Variants in ZNF507 observed in about 807,000 individuals in gnomAD.
The protein encoded by ZNF507 is zinc finger protein 507.
Under a neutral mutation model 80.0 loss-of-function variants are expected in ZNF507, and 29 were observed. The ratio of observed to expected loss-of-function variants is 0.36; its 90% confidence interval spans 0.27 to 0.49. The LOEUF is 0.49. ZNF507 is among the 20% of genes least tolerant of loss of function. The pLI is 0.98. For synonymous variants in ZNF507, 462 were observed against 422.5 expected, an observed-to-expected ratio of 1.09 and a Z score of -1.15; for missense variants, 1,081 against 1,152.2, an observed-to-expected ratio of 0.94 and a Z score of 0.90.
At chr19:32,352,147 A>G (rs1248021209) in intron 2 of ZNF507, among the ~76,000 whole-genome samples, 2 of 151,874 alleles carry the variant, frequency 1.3e-5, no homozygotes, top group African/African-American at 2.4e-5. Flanking sequence ...AAACCACAGC[A>G]TAGTTTGTGG....
In ZNF507 at chr19:32,354,129, T is replaced by A. The variant is rs1038607673; in HGVS notation, c.1299T>A (p.Ile433=). 1.2e-6 allele frequency: 2 copies of A among 1,613,312 alleles called. No homozygotes were observed. The highest frequency in any genetic ancestry group is 1.7e-6 in the Non-Finnish European group (2 of 1,180,024). ...GKDLSLTEAQ[I]GREGMDDVYR... ...ACCTGAGCCTGACAGAAGCTCAGAT[T>A]GGGCGCGAAGGAATGGATGATGTTT... Residue 433 remains isoleucine, a synonymous_variant, in exon 3 of 7, where the codon ATT becomes ATA. Transcript: ENST00000355898.
chr19:32,355,863 G>A (rs1432716037), intron 3 of ZNF507, among the ~76,000 whole-genome samples: 2 of 152,078 alleles, frequency 1.3e-5, no homozygotes, highest in Non-Finnish European at 2.9e-5. Flanking sequence ...GCTGGGTATG[G>A]TGGTGGGCAC....
intron 5 of ZNF507, among the ~76,000 whole-genome samples, chr19:32,366,645 GAT>G (rs936942436): frequency 1.3e-5 from 2 of 152,164 alleles, no homozygotes; most frequent in Non-Finnish European, 2.9e-5. Context: ...TTTCCTCCCT[GAT>G]ATGATCTGAT....
Position 32,356,707 on chromosome 19 carries a change from C to A in ZNF507, c.2219C>A (p.Thr740Lys). Reference sequence around the variant, plus strand: ...AATGAGCCAAGAATTTCCAGTGATACAGCTGATGGAAAATGTGTCCAGGAA... The same window carrying A: ...AATGAGCCAAGAATTTCCAGTGATAAAGCTGATGGAAAATGTGTCCAGGAA... ...TSNEPRISSD[T>K]ADGKCVQEGN... The change falls in exon 4 of 7, where the codon ACA becomes AAA. Residue 740 changes from threonine to lysine, a missense_variant. This residue lies in a region of ZNF507 where 614 missense variants were observed against 583.9 expected (regional missense o/e 1.05). Transcript: ENST00000355898. 1.9e-6 allele frequency: 3 copies of A among 1,613,838 alleles called. No individual in the cohort carries two copies. Among genetic ancestry groups the A allele is most frequent in the Non-Finnish European group, 2.5e-6 (3 of 1,179,724 alleles).
At chr19:32,362,222 C>T (rs1242626890) in intron 5 of ZNF507, among the ~76,000 whole-genome samples, 3 of 152,112 alleles carry the variant, frequency 2.0e-5, no homozygotes, top group Admixed American at 6.5e-5. Flanking sequence ...TATTTACATT[C>T]GTGATTTATA....
At chr19:32,374,398 G>T (rs1444708012) in intron 5 of ZNF507, among the ~76,000 whole-genome samples, 2 of 151,064 alleles carry the variant, frequency 1.3e-5, no homozygotes, top group African/African-American at 2.4e-5. Flanking sequence ...ATTTTCTATT[G>T]GATTGTTAAG....
Position 32,353,317 on chromosome 19 carries a change from A to T in ZNF507, c.487A>T (p.Thr163Ser), listed in dbSNP as rs753079107. ...VILMCSECHI[T>S]SRSQEELEAH... ...ACTGATGTGCTCAGAGTGCCATATT[A>T]CATCTAGAAGCCAGGAGGAACTTGA... The change falls in exon 3 of 7, where the codon ACA becomes TCA. Residue 163 changes from threonine (T) to serine (S), a missense_variant. Physicochemically the swap from Thr to Ser is moderately conservative, Grantham distance 58. Around this residue, in one of 6 missense-constraint regions of ZNF507, gnomAD observed 275 missense variants for 303.9 expected, o/e 0.90. Transcript: ENST00000355898. 1.2e-6 allele frequency: 2 copies of T among 1,614,270 alleles called. No homozygotes were observed. The highest frequency in any genetic ancestry group is 1.7e-6 in the Non-Finnish European group (2 of 1,180,044).
intron 5 of ZNF507, among the ~76,000 whole-genome samples, chr19:32,370,097 C>T (rs1026345105): frequency 6.6e-5 from 10 of 152,184 alleles, no homozygotes; most frequent in African/African-American, 4.8e-5. Context: ...TGTGTGTGTG[C>T]GTGCATACGT....
At chr19:32,362,073 G>A (rs1167659872) in intron 5 of ZNF507, among the ~76,000 whole-genome samples, 1 of 152,050 alleles carries the variant, frequency 6.6e-6, no homozygotes, top group East Asian at 1.9e-4. Flanking sequence ...CATGTGCCAT[G>A]ATTAGCTAAT....
rs538766923 is a variant in ZNF507, at chr19:32,356,802, T to C, written c.2245+69T>C. On this transcript the variant is annotated intron_variant, in intron 4 of 6. Transcript: ENST00000355898. ...GACATAAAAGTGCCCTTAGTTGTCA[T>C]GGTTGGTTATTTTCAGGGCAAAAGC... The C allele has an allele frequency of 3.6e-5, 44 of 1,225,860 alleles. 1 individual carries two copies. The highest frequency in any genetic ancestry group is 3.0e-4 in the South Asian group (25 of 82,878). The allele number at this position is 1,225,860 out of a possible 1,614,324, so 75.9% of individuals were successfully genotyped here. A position where few individuals can be genotyped will look rare whatever the true frequency, so the allele number is the denominator to read the frequency against.
Position 32,346,198 on chromosome 19 carries a change from C to A in ZNF507, c.-97+415C>A, listed in dbSNP as rs182933166. ...CGACCCATCACCTCAGTCCTTTAGC[C>A]AGTGCGTGGTGTAGAAAAAGCTACT... On this transcript the variant is annotated intron_variant, in intron 1 of 6. Transcript: ENST00000355898. 2.3e-4 allele frequency among the ~76,000 whole-genome samples: 35 copies of A among 152,290 alleles called. No individual in the cohort carries two copies. In the East Asian group the frequency reaches 6.8e-3, roughly 29 times the overall value.
chr19:32,354,275 G>A lies in ZNF507; in HGVS notation c.1445G>A (p.Arg482Gln), dbSNP rs779992375. The change falls in exon 3 of 7, where the codon CGG (arginine) becomes CAG (glutamine). Residue 482 changes from arginine to glutamine, a missense_variant. Around this residue, in one of 6 missense-constraint regions of ZNF507, gnomAD observed 614 missense variants for 583.9 expected, o/e 1.05. Transcript: ENST00000355898. ...LATDENAPPG[R>Q]RRTNSESLRL... ...ACTGATGAGAATGCCCCACCAGGCC[G>A]GAGAAGGACAAATTCTGAGTCTCTT... 1.1e-5 allele frequency: 17 copies of A among 1,614,020 alleles called. No homozygotes were observed. The highest frequency in any genetic ancestry group is 4.5e-5 in the East Asian group (2 of 44,890).
chr19:32,357,980 T>G (rs1274279095), intron 4 of ZNF507: 1 of 152,214 alleles, frequency 6.6e-6, no homozygotes, highest in Non-Finnish European at 1.5e-5. Flanking sequence ...AATAAAAAGA[T>G]TAAAGTGTCA....
intron 5 of ZNF507, among the ~76,000 whole-genome samples, chr19:32,361,436 G>C (rs1473775784): frequency 6.6e-6 from 1 of 152,214 alleles, no homozygotes; most frequent in African/African-American, 2.4e-5. Context: ...ATGAAAACCT[G>C]ACAGATTGTG....
intron 5 of ZNF507, 28 bp from the exon 6 acceptor site, chr19:32,382,439 G>C: frequency 6.2e-7 from 1 of 1,610,670 alleles, no homozygotes; most frequent in Non-Finnish European, 8.5e-7. Flanking sequence ...GGACCGTTCT[G>C]ATTTTCCCTT....
In ZNF507 at chr19:32,353,826, A is replaced by G. The variant is rs1396082235; in HGVS notation, c.996A>G (p.Leu332=). The G allele has an allele frequency of 6.8e-6, 11 of 1,614,106 alleles. No homozygotes were observed. The African/African-American group carries it at 1.3e-4, about 20-fold the overall frequency. The stretch of plus-strand genomic sequence containing the variant: ...TGCAGATTTGCAGCTCAGAACAGTT[A>G]TCATCTTCATCTCCTTTAGAACAGA... The part of the protein sequence containing the change: ...VQVQICSSEQ[L]SSSSPLEQSA... The change falls in exon 3 of 7, where the codon TTA becomes TTG. Residue 332 remains leucine, a synonymous_variant. Transcript: ENST00000355898.
At chr19:32,350,652 ACGGGTG>A (rs959452062) in intron 2 of ZNF507, among the ~76,000 whole-genome samples, 1 of 152,130 alleles carries the variant, frequency 6.6e-6, no homozygotes, top group Non-Finnish European at 1.5e-5. Flanking sequence ...TTGTAACCCT[ACGGGTG>A]TGCAAAGTCT....
In ZNF507 at chr19:32,360,558, G is replaced by A. The variant is rs1315338291; in HGVS notation, c.2300G>A (p.Ser767Asn). Residue 767 changes from serine to asparagine, a missense_variant, in exon 5 of 7, where the codon AGT (serine) becomes AAT (asparagine). Transcript: ENST00000355898. ...AGATGTGATGTGTGTGATTATACAA[G>A]TACAACATATGTTGGTGTCAGAAAC... Reference protein sequence around the residue: ...QYRCDVCDYTSTTYVGVRNHR... With the variant: ...QYRCDVCDYTNTTYVGVRNHR... 1 of 1,603,814 alleles carries A rather than the reference G, an allele frequency of 6.2e-7. No individual in the cohort carries two copies. Among genetic ancestry groups the A allele is most frequent in the Non-Finnish European group, 8.5e-7 (1 of 1,175,338 alleles).
At chr19:32,381,601 C>G (rs1226976428) in intron 5 of ZNF507, among the ~76,000 whole-genome samples, 2 of 152,082 alleles carry the variant, frequency 1.3e-5, no homozygotes, top group Non-Finnish European at 1.5e-5. Flanking sequence ...GAGCAAGACT[C>G]TATCTCAAAC....
Sources: gnomAD v4.1 joint callset for allele counts (sites outside exome capture counted in the v4.1 genomes callset) on GRCh38, gnomAD v4.1.1 for gene constraint, gnomAD v4.1.1 regional missense constraint, MANE v1.5 for transcripts, NCBI Gene and HGNC (gene_info 2026-07-23, HGNC 2026-07-21) for gene names.